Variants in EPB41L4A observed in about 807,000 individuals in gnomAD.
The protein encoded by EPB41L4A is erythrocyte membrane protein band 4.1 like 4A.
Under a neutral mutation model 108.6 loss-of-function variants are expected in EPB41L4A, and 100 were observed. That is an observed-to-expected ratio of 0.92 (90% CI 0.78 to 1.09). The LOEUF is 1.09. EPB41L4A is among the 50% of genes least tolerant of loss of function. The pLI, the probability that EPB41L4A is intolerant of heterozygous loss-of-function variation, is 0.00. For synonymous variants in EPB41L4A, 319 were observed against 289.0 expected, an observed-to-expected ratio of 1.10 and a Z score of -1.05; for missense variants, 1,030 against 842.7, an observed-to-expected ratio of 1.22 and a Z score of -2.75.
chr5:112,293,016 T>C (rs997201755), intron 2 of EPB41L4A, among the ~76,000 whole-genome samples: 7 of 152,126 alleles, frequency 4.6e-5, no homozygotes, highest in African/African-American at 1.7e-4. Context: ...GTCACAGAAA[T>C]TTCTCAGGTA....
In EPB41L4A at chr5:112,390,738, G is replaced by A. The variant is rs140935467; in HGVS notation, c.99+28203C>T. ...TTTGAGCTCTGAGAACGGACAGACTGCCTCCTCAAGTGGATCCCTGACCCC... is the reference window on the plus strand; with the variant it reads ...TTTGAGCTCTGAGAACGGACAGACTACCTCCTCAAGTGGATCCCTGACCCC... On this transcript the variant is annotated intron_variant, in intron 1 of 22. Transcript: ENST00000261486. Among the ~76,000 whole-genome samples the A allele has an allele frequency of 3.2e-3, 495 of 152,312 alleles. 2 individuals carry two copies. The highest frequency in any genetic ancestry group is 0.011 in the African/African-American group (460 of 41,560).
At chr5:112,265,470 T>C (rs908711710) in intron 5 of EPB41L4A, among the ~76,000 whole-genome samples, 2 of 152,072 alleles carry the variant, frequency 1.3e-5, no homozygotes, top group African/African-American at 4.8e-5. Context: ...GCTGCACATA[T>C]CCCATTACAA....
intron 2 of EPB41L4A, among the ~76,000 whole-genome samples, chr5:112,304,333 A>G (rs1197372404): frequency 2.6e-5 from 4 of 152,166 alleles, no homozygotes; most frequent in African/African-American, 7.2e-5. Context: ...TGCTAACATT[A>G]AAGTAAGACA....
chr5:112,195,637 G>C, intron 16 of EPB41L4A, 24 bp downstream of exon 16: 2 of 1,588,872 alleles, frequency 1.3e-6, no homozygotes, highest in South Asian at 2.2e-5. Flanking sequence ...CCCTCTGACT[G>C]TCCTTCCATT....
chr5:112,359,482 G>A (rs1758572008), intron 1 of EPB41L4A, among the ~76,000 whole-genome samples: 1 of 151,724 alleles, frequency 6.6e-6, no homozygotes, highest in South Asian at 2.1e-4. Flanking sequence ...TTTAGAATAT[G>A]AAAAAACTCA....
chr5:112,224,524 C>T (rs886175707), intron 12 of EPB41L4A, among the ~76,000 whole-genome samples: 2 of 152,102 alleles, frequency 1.3e-5, no homozygotes, highest in African/African-American at 4.8e-5. Context: ...GCTTACATAC[C>T]CAATTATTGT....
rs141776013 is a variant in EPB41L4A, at chr5:112,213,596, G to A, written c.1088-3614C>T. On this transcript the variant is annotated intron_variant, in intron 12 of 22. Coordinates refer to ENST00000261486, the MANE Select transcript of EPB41L4A (RefSeq NM_022140.5). ...ACTCCTGGCCTCAGGTTATCTGCCC[G>A]CATCACCTCAGCCTCCCAAGGTGCT... Among the ~76,000 whole-genome samples, 797 of 152,122 alleles carry A rather than the reference G, an allele frequency of 5.2e-3. 18 individuals are homozygous for A. In the South Asian group the frequency reaches 0.062, roughly 12 times the overall value.
chr5:112,373,944 T>C (rs1165001588), intron 1 of EPB41L4A, among the ~76,000 whole-genome samples: 2 of 152,224 alleles, frequency 1.3e-5, no homozygotes, highest in South Asian at 2.1e-4. Flanking sequence ...CAGATTAATA[T>C]ATGAAGAAGA....
chr5:112,175,298 G>A (rs1760805428), intron 18 of EPB41L4A: 1 of 152,172 alleles, frequency 6.6e-6, no homozygotes, highest in Admixed American at 6.5e-5. Context: ...AGAAAAGCAG[G>A]TTCAACAAAG....
chr5:112,415,107 T>G (rs772256094), intron 1 of EPB41L4A, among the ~76,000 whole-genome samples: 1 of 152,204 alleles, frequency 6.6e-6, no homozygotes, highest in African/African-American at 2.4e-5. Context: ...TTAGTCCAAA[T>G]TGAATGAAAA....
intron 1 of EPB41L4A, among the ~76,000 whole-genome samples, chr5:112,313,300 T>TTATCATCA (rs1561562323): frequency 2.0e-5 from 3 of 152,152 alleles, no homozygotes; most frequent in Admixed American, 6.5e-5. Flanking sequence ...TCATCAAAAG[T>TTATCATCA]CCTTTTGTAG....
At chr5:112,281,783 C>G (rs1266877074) in intron 2 of EPB41L4A, among the ~76,000 whole-genome samples, 1 of 152,182 alleles carries the variant, frequency 6.6e-6, no homozygotes, top group African/African-American at 2.4e-5. Context: ...TCCCCTTACC[C>G]TTTATTCCTA....
At chr5:112,259,513 T>C (rs745924709) in intron 8 of EPB41L4A, among the ~76,000 whole-genome samples, 2 of 152,182 alleles carry the variant, frequency 1.3e-5, no homozygotes, top group Admixed American at 1.3e-4. Flanking sequence ...GACCTTAGAA[T>C]CCCTAGATTG....
At position 112,224,153 on chromosome 5, in the gene EPB41L4A, C is replaced by T. The variant is rs1405899722; in HGVS notation, c.1087+10481G>A. Among the ~76,000 whole-genome samples the T allele has an allele frequency of 2.0e-5, 3 of 152,032 alleles. No homozygotes were observed. The East Asian group carries it at 5.8e-4, about 29-fold the overall frequency. On this transcript the variant is annotated intron_variant, in intron 12 of 22. Coordinates refer to ENST00000261486, the MANE Select transcript of EPB41L4A (RefSeq NM_022140.5). ...TTTTAGTAGAGACAGGGTTTCACCA[C>T]GTTGGCCAGGCTGGTCTTACACTCC...
At chr5:112,196,104 C>T (rs1216533076) in intron 15 of EPB41L4A, among the ~76,000 whole-genome samples, 3 of 152,172 alleles carry the variant, frequency 2.0e-5, no homozygotes, top group African/African-American at 7.2e-5. Flanking sequence ...TCCACTTCAA[C>T]TCAGCAACCT....
At chr5:112,169,247 A>T (rs1260784278) in intron 20 of EPB41L4A, 142 bp from the exon 21 acceptor site, 2 of 642,654 alleles carry the variant, frequency 3.1e-6, no homozygotes, top group Non-Finnish European at 5.6e-6. Flanking sequence ...TGAAAGCCTG[A>T]GTGACTTAAA....
intron 1 of EPB41L4A, among the ~76,000 whole-genome samples, chr5:112,373,701 C>T (rs972333306): frequency 3.3e-5 from 5 of 152,216 alleles, no homozygotes; most frequent in African/African-American, 1.2e-4. Flanking sequence ...AGTCTGGCTG[C>T]AGTCCCCACT....
intron 12 of EPB41L4A, among the ~76,000 whole-genome samples, chr5:112,146,344 A>C (rs1759255434): frequency 6.6e-6 from 1 of 152,196 alleles, no homozygotes; most frequent in Non-Finnish European, 1.5e-5. Context: ...TTCAGTGGCT[A>C]AAACCAAATA....
At chr5:112,150,941 T>G (rs1227284481) in intron 12 of EPB41L4A, among the ~76,000 whole-genome samples, 1 of 152,190 alleles carries the variant, frequency 6.6e-6, no homozygotes, top group Non-Finnish European at 1.5e-5. Context: ...AATGAGCCTA[T>G]AAGCAGTGTT....
Sources: allele counts gnomAD v4.1 joint callset (sites outside exome capture counted in the v4.1 genomes callset), GRCh38; gene constraint gnomAD v4.1.1; transcripts MANE v1.5; gene names NCBI Gene and HGNC (gene_info 2026-07-23, HGNC 2026-07-21).